Variants in CABLES1 observed in about 807,000 individuals in gnomAD.
The protein encoded by CABLES1 is Cdk5 and Abl enzyme substrate 1.
CABLES1 carries 36 observed loss-of-function variants against 57.8 expected under a neutral mutation model. The ratio of observed to expected loss-of-function variants is 0.62; its 90% CI spans 0.48 to 0.82. The LOEUF (loss-of-function observed/expected upper bound fraction) is 0.82, where lower values mean the gene tolerates loss of function less well. CABLES1 is among the 40% of genes least tolerant of loss of function. CABLES1 has a pLI of 0.00. For missense variants in CABLES1, 767 were observed against 836.6 expected, an observed-to-expected ratio of 0.92 and a Z score of 1.03; for synonymous variants, 374 against 363.0, an observed-to-expected ratio of 1.03 and a Z score of -0.35.
chr18:23,230,289 A>G (rs545353170), intron 4 of CABLES1, among the ~76,000 whole-genome samples: 10 of 152,228 alleles, frequency 6.6e-5, no homozygotes, highest in Non-Finnish European at 1.0e-4. Context: ...GGAGAATGGC[A>G]TGAACCCAGG....
At chr18:23,158,512 T>C (rs1286102775) in intron 1 of CABLES1, among the ~76,000 whole-genome samples, 7 of 152,188 alleles carry the variant, frequency 4.6e-5, no homozygotes. Flanking sequence ...TATAGTACGG[T>C]TGTCATTGCA....
At position 23,184,922 on chromosome 18, in the gene CABLES1, A is replaced by G. The variant is rs149139709; in HGVS notation, c.846-3916A>G. Among the ~76,000 whole-genome samples, 14 of 152,156 alleles carry G rather than the reference A, an allele frequency of 9.2e-5. No individual in the cohort carries two copies. In the East Asian group the frequency reaches 2.7e-3, roughly 29 times the overall value. On this transcript the variant is annotated intron_variant, in intron 1 of 9. Transcript: ENST00000256925. ...TCCCATTCATGAGGGCTCCACTCTT[A>G]TGACAGATCACTTCCCACAGACCCC...
At chr18:23,220,528 C>T (rs542939354) in intron 4 of CABLES1, among the ~76,000 whole-genome samples, 89 of 152,264 alleles carry the variant, frequency 5.8e-4, no homozygotes, top group Middle Eastern at 3.4e-3. Flanking sequence ...CGGTTCAGCC[C>T]GGGAAGCTGG....
intron 1 of CABLES1, among the ~76,000 whole-genome samples, chr18:23,184,147 T>C (rs1324713019): frequency 6.6e-6 from 1 of 152,166 alleles, no homozygotes; most frequent in East Asian, 1.9e-4. Flanking sequence ...AGTTCTCTTC[T>C]TTGTCTCAGA....
At chr18:23,165,079 A>G (rs2047032590) in intron 1 of CABLES1, among the ~76,000 whole-genome samples, 1 of 151,794 alleles carries the variant, frequency 6.6e-6, no homozygotes, top group Non-Finnish European at 1.5e-5. Flanking sequence ...GGCCTTAACT[A>G]TTCTTTTAAC....
chr18:23,173,944 T>C (rs2047101917), intron 1 of CABLES1, among the ~76,000 whole-genome samples: 1 of 152,188 alleles, frequency 6.6e-6, no homozygotes, highest in Non-Finnish European at 1.5e-5. Context: ...GCCTGGGTAA[T>C]AGAGTGAGAT....
intron 4 of CABLES1, among the ~76,000 whole-genome samples, chr18:23,223,226 A>G (rs763446428): frequency 6.6e-5 from 10 of 152,182 alleles, no homozygotes; most frequent in Non-Finnish European, 1.5e-4. Flanking sequence ...GCAACATGTA[A>G]GTCACACAGC....
chr18:23,249,851 A>G (rs544390975), intron 7 of CABLES1, among the ~76,000 whole-genome samples: 16 of 152,218 alleles, frequency 1.1e-4, no homozygotes, highest in African/African-American at 3.6e-4. Flanking sequence ...ATTCAGTACC[A>G]TGAAGGAGAG....
At chr18:23,205,698 A>T (rs56163412) in intron 3 of CABLES1, among the ~76,000 whole-genome samples, 162 of 152,268 alleles carry the variant, frequency 1.1e-3, no homozygotes, top group African/African-American at 3.6e-3. Context: ...TCCTTATAGA[A>T]AGAGGAAATT....
At chr18:23,246,493 G>A (rs1235486350) in intron 7 of CABLES1, among the ~76,000 whole-genome samples, 13 of 151,904 alleles carry the variant, frequency 8.6e-5, no homozygotes, top group African/African-American at 1.5e-4. Context: ...CCGGGTTCAC[G>A]CCATTCTCCT....
intron 1 of CABLES1, among the ~76,000 whole-genome samples, chr18:23,159,347 C>T (rs1296498167): frequency 6.6e-6 from 1 of 152,178 alleles, no homozygotes; most frequent in Admixed American, 6.6e-5. Flanking sequence ...AAATTGCAGC[C>T]CAGAGTTCCT....
chr18:23,193,474 G>A (rs886330393), intron 2 of CABLES1, among the ~76,000 whole-genome samples: 5 of 16,638 alleles, frequency 3.0e-4, no homozygotes, highest in Non-Finnish European at 5.2e-4. Context: ...TTACAGGCGT[G>A]AGCCACCACG....
At chr18:23,164,878 T>C (rs2047030757) in intron 1 of CABLES1, among the ~76,000 whole-genome samples, 1 of 152,110 alleles carries the variant, frequency 6.6e-6, no homozygotes, top group Admixed American at 6.5e-5. Context: ...TTCCAGTGAT[T>C]CTCCTGCCTC....
intron 4 of CABLES1, among the ~76,000 whole-genome samples, chr18:23,226,546 T>A (rs933552215): frequency 1.2e-4 from 18 of 152,212 alleles, no homozygotes; most frequent in Non-Finnish European, 2.1e-4. Context: ...GCTTTTGGGC[T>A]GATTCAGTTA....
rs145585609 is a variant in CABLES1 at position 23,136,998 on chromosome 18, G to A, written c.845+391G>A. Among the ~76,000 whole-genome samples, 1,512 of 152,358 alleles carry A rather than the reference G, an allele frequency of 9.9e-3. 8 individuals are homozygous for A. Among genetic ancestry groups the A allele is most frequent in the Non-Finnish European group, 0.016 (1,075 of 68,032 alleles). On this transcript the variant is annotated intron_variant, in intron 1 of 9. Coordinates refer to ENST00000256925, the MANE Select transcript of CABLES1 (RefSeq NM_001100619.3). ...GCGAGACTCGGCCGGGCGCAGAGTG[G>A]AGCAGTGCAGGCCGGCAGCTGAGCG...
rs1568098579 is a variant in CABLES1, at chr18:23,257,208, G to A, written c.1762-19G>A. ...TTAATTTCAAAATGAACATGCTTTTGATTTTCTTTTTGTTGCAGAAACTGG... is the reference window on the plus strand; with the variant it reads ...TTAATTTCAAAATGAACATGCTTTTAATTTTCTTTTTGTTGCAGAAACTGG... On this transcript the variant is annotated intron_variant, in intron 9 of 9. Coordinates refer to ENST00000256925, the MANE Select transcript of CABLES1 (RefSeq NM_001100619.3). The A allele has an allele frequency of 1.2e-6, 2 of 1,605,416 alleles. No individual in the cohort carries two copies. Among genetic ancestry groups the A allele is most frequent in the Non-Finnish European group, 1.7e-6 (2 of 1,178,052 alleles).
intron 7 of CABLES1, among the ~76,000 whole-genome samples, chr18:23,251,812 G>A (rs955967529): frequency 1.3e-5 from 2 of 151,934 alleles, no homozygotes; most frequent in Non-Finnish European, 2.9e-5. Flanking sequence ...TAGGCCAGGC[G>A]CGGTGGCTCA....
chr18:23,153,355 C>T (rs572621031), intron 1 of CABLES1, among the ~76,000 whole-genome samples: 1 of 152,180 alleles, frequency 6.6e-6, no homozygotes, highest in South Asian at 2.1e-4. Context: ...GCCTCAGCCT[C>T]CCAATGTGCT....
chr18:23,181,726 C>T (rs532973984), intron 1 of CABLES1, among the ~76,000 whole-genome samples: 3 of 152,098 alleles, frequency 2.0e-5, no homozygotes, highest in Non-Finnish European at 4.4e-5. Context: ...CAGCATGGCC[C>T]CTCCCAAGCA....
Sources: allele counts gnomAD v4.1 joint callset (sites outside exome capture counted in the v4.1 genomes callset), GRCh38; gene constraint gnomAD v4.1.1; transcripts MANE v1.5; gene names NCBI Gene and HGNC (gene_info 2026-07-23, HGNC 2026-07-21).